RAD51: variants seen among roughly 807,000 people sequenced by gnomAD.
RAD51 encodes the protein RAD51 recombinase, also known as DNA repair protein RAD51 homolog 1.
A neutral mutation model predicts 41.5 loss-of-function variants in RAD51; 14 were observed. That is an observed-to-expected ratio of 0.34 (90% CI 0.22 to 0.53). RAD51 has a LOEUF of 0.53. Among genes scored for constraint, RAD51 ranks in the 20% least tolerant of loss-of-function variants. The pLI, the probability that RAD51 is intolerant of heterozygous loss-of-function variation, is 0.95. For synonymous variants in RAD51, 136 were observed against 148.6 expected, an observed-to-expected ratio of 0.92 and a Z score of 0.62; for missense variants, 234 against 422.0, an observed-to-expected ratio of 0.55 and a Z score of 3.90.
chr15:40,721,320 A>T (rs559264062), intron 6 of RAD51, among the ~76,000 whole-genome samples: 1 of 152,354 alleles, frequency 6.6e-6, no homozygotes, highest in East Asian at 1.9e-4. Flanking sequence ...CAAAGGACCC[A>T]GAATAGCCGA....
intron 2 of RAD51, among the ~76,000 whole-genome samples, chr15:40,699,944 C>T (rs1158722520): frequency 1.3e-5 from 2 of 151,644 alleles, no homozygotes; most frequent in African/African-American, 4.8e-5. Flanking sequence ...GACTAATCTT[C>T]AAGACTCTAG....
At position 40,706,157 on chromosome 15, in the gene RAD51, A is replaced by G; in HGVS notation, c.226-20A>G. The stretch of plus-strand genomic sequence containing the variant: ...TAAGGAATATTATTTTGTTGATTTA[A>G]TATTTCTTATTTTTCCCAGGCTGAG... On this transcript the variant is annotated intron_variant, in intron 3 of 9. Transcript: ENST00000267868. 1 of 1,564,512 alleles carries G rather than the reference A, an allele frequency of 6.4e-7. No individual in the cohort carries two copies. Among genetic ancestry groups the G allele is most frequent in the Non-Finnish European group, 8.8e-7 (1 of 1,134,972 alleles).
rs35383252 is a variant in RAD51, at chr15:40,701,776, A to ATTTTTTTTT, written c.225+593_225+601dup. On this transcript the variant is annotated intron_variant, in intron 3 of 9. Coordinates refer to ENST00000267868, the MANE Select transcript of RAD51 (RefSeq NM_002875.5). ...TGAAGTTTTATGTAGTATAAAGCAG[A>ATTTTTTTTT]TTTTTTTTTTTTTTTTTTTTTTTTT... 7 of 132,002 alleles carry ATTTTTTTTT rather than the reference A, an allele frequency of 5.3e-5. 1 individual carries two copies. The highest frequency in any genetic ancestry group is 4.3e-4 in the African/African-American group (7 of 16,136). The allele number at this position is 132,002 out of a possible 1,614,324, so 8.2% of individuals were successfully genotyped here. A position where few individuals can be genotyped will look rare whatever the true frequency, so the allele number is the denominator to read the frequency against.
intron 6 of RAD51, among the ~76,000 whole-genome samples, chr15:40,727,402 G>A (rs1381213674): frequency 3.9e-5 from 6 of 152,046 alleles, no homozygotes; most frequent in Non-Finnish European, 5.9e-5. Context: ...TCTGCCTCCC[G>A]GTTTCAAGCG....
intron 2 of RAD51, 113 bp downstream of exon 2, chr15:40,698,958 T>A: frequency 9.5e-7 from 1 of 1,051,630 alleles, no homozygotes; most frequent in Non-Finnish European, 1.5e-6. Flanking sequence ...AGACCCAAAT[T>A]AGACTTTTCA....
Position 40,732,065 on chromosome 15 carries a change from A to G in RAD51, c.*887A>G, listed in dbSNP as rs1221748537. The G allele has an allele frequency of 4.8e-6, 1 of 209,154 alleles. No individual in the cohort carries two copies. Among genetic ancestry groups the G allele is most frequent in the Non-Finnish European group, 9.7e-6 (1 of 103,050 alleles). The allele number at this position is 209,154 out of a possible 1,614,324, so 13.0% of individuals were successfully genotyped here. ...ACTGCTGCATTCCAGCCAGGGTGACAGAGTGAGACCATGTTTCAAACAAGA... is the reference window on the plus strand; with the variant it reads ...ACTGCTGCATTCCAGCCAGGGTGACGGAGTGAGACCATGTTTCAAACAAGA... On this transcript the variant is annotated 3_prime_UTR_variant, in exon 10 of 10. Coordinates refer to ENST00000267868, the MANE Select transcript of RAD51 (RefSeq NM_002875.5).
intron 5 of RAD51, among the ~76,000 whole-genome samples, chr15:40,714,287 A>G (rs1185211119): frequency 1.3e-5 from 2 of 152,208 alleles, no homozygotes; most frequent in African/African-American, 4.8e-5. Flanking sequence ...TGATAGCTAA[A>G]GGGAATTAGG....
intron 6 of RAD51, among the ~76,000 whole-genome samples, chr15:40,723,770 C>G (rs145749985): frequency 6.6e-6 from 1 of 152,256 alleles, no homozygotes; most frequent in Non-Finnish European, 1.5e-5. Context: ...CACTAAAGCT[C>G]TCAATGAATT....
At chr15:40,721,249 A>G (rs1896255165) in intron 6 of RAD51, among the ~76,000 whole-genome samples, 1 of 152,210 alleles carries the variant, frequency 6.6e-6, no homozygotes, top group Admixed American at 6.5e-5. Flanking sequence ...AATTCCAGCA[A>G]GCTTTTTTTG....
At chr15:40,729,677 C>T (rs1896772898) in intron 8 of RAD51, 43 bp downstream of exon 8, 1 of 1,612,772 alleles carries the variant, frequency 6.2e-7, no homozygotes, top group Admixed American at 1.7e-5. Flanking sequence ...CTTTCAGTGG[C>T]TGTGAATTCC....
At chr15:40,718,096 C>T (rs1029455986) in intron 5 of RAD51, among the ~76,000 whole-genome samples, 3 of 151,796 alleles carry the variant, frequency 2.0e-5, no homozygotes, top group African/African-American at 7.3e-5. Context: ...TGGTGGTGCA[C>T]ACCTATGGTC....
intron 6 of RAD51, among the ~76,000 whole-genome samples, chr15:40,719,854 A>G (rs2141859980): frequency 6.6e-6 from 1 of 152,112 alleles, no homozygotes; most frequent in Non-Finnish European, 1.5e-5. Flanking sequence ...CAAACACATT[A>G]TATACAAAGA....
chr15:40,714,733 T>C (rs1021997258), intron 5 of RAD51, among the ~76,000 whole-genome samples: 4 of 152,224 alleles, frequency 2.6e-5, no homozygotes, highest in African/African-American at 9.6e-5. Flanking sequence ...ATCTAAATAT[T>C]ATCTACTCTC....
chr15:40,704,851 G>T (rs1418025913), intron 3 of RAD51, among the ~76,000 whole-genome samples: 1 of 151,598 alleles, frequency 6.6e-6, no homozygotes, highest in Non-Finnish European at 1.5e-5. Flanking sequence ...TGTATTTTTA[G>T]TAGAGAGGAA....
intron 9 of RAD51, 146 bp from the exon 10 acceptor site, chr15:40,730,909 T>C: frequency 9.7e-7 from 1 of 1,032,306 alleles, no homozygotes. Context: ...AGGTTGGAAA[T>C]GCACTAAGGA....
chr15:40,725,740 A>G (rs1191775001), intron 6 of RAD51, among the ~76,000 whole-genome samples: 1 of 152,042 alleles, frequency 6.6e-6, no homozygotes, highest in Non-Finnish European at 1.5e-5. Flanking sequence ...TGTAATCCCA[A>G]CACTTTGGGA....
rs534038165 is a variant in RAD51, at chr15:40,705,699, G to T, written c.226-478G>T. On this transcript the variant is annotated intron_variant, in intron 3 of 9. Transcript: ENST00000267868. Reference sequence around the variant, plus strand: ...GGCTCACTGCAAGCTCCGCCTCCCGGGTTCACGCCTTTCTCCTGCCTCAGC... The same window carrying T: ...GGCTCACTGCAAGCTCCGCCTCCCGTGTTCACGCCTTTCTCCTGCCTCAGC... 2.8e-4 allele frequency among the ~76,000 whole-genome samples: 43 copies of T among 152,224 alleles called. 1 individual carries two copies. The highest frequency in any genetic ancestry group is 6.8e-3 in the Middle Eastern group (2 of 294).
chr15:40,701,982 C>T (rs1192013737), intron 3 of RAD51: 1 of 254,646 alleles, frequency 3.9e-6, no homozygotes, highest in Non-Finnish European at 8.0e-6. Context: ...CAGGGTTTCA[C>T]CACGTTGGCC....
chr15:40,724,504 T>A (rs879501089), intron 6 of RAD51, among the ~76,000 whole-genome samples: 15 of 151,754 alleles, frequency 9.9e-5, no homozygotes, highest in Non-Finnish European at 2.1e-4. Flanking sequence ...GACAAAAAAT[T>A]TTTTGTTGTT....
Sources: allele counts gnomAD v4.1 joint callset (sites outside exome capture counted in the v4.1 genomes callset), GRCh38; gene constraint gnomAD v4.1.1; transcripts MANE v1.5; gene names NCBI Gene and HGNC (gene_info 2026-07-23, HGNC 2026-07-21).